Variants in EXT2 observed in about 807,000 individuals in gnomAD.
EXT2 encodes exostosin glycosyltransferase 2, also known as exostosin-2.
Under a neutral mutation model 81.6 loss-of-function variants are expected in EXT2, and 53 were observed. That is an observed-to-expected ratio of 0.65 (90% CI 0.52 to 0.82). The LOEUF is 0.82. Among genes scored for constraint, EXT2 ranks in the 40% least tolerant of loss-of-function variants. The pLI, the probability that EXT2 is intolerant of heterozygous loss-of-function variation, is 0.00. For missense variants in EXT2, 774 were observed against 910.2 expected (o/e 0.85, Z 1.93); for synonymous variants, 320 against 340.0 (o/e 0.94, Z 0.65).
At chr11:44,188,832 C>T (rs1955352610) in intron 8 of EXT2, among the ~76,000 whole-genome samples, 1 of 152,138 alleles carries the variant, frequency 6.6e-6, no homozygotes, top group Non-Finnish European at 1.5e-5. Flanking sequence ...TACGTCTAAG[C>T]TGAGTTCCAG....
chr11:44,223,664 T>A (rs1003782791), intron 10 of EXT2, among the ~76,000 whole-genome samples: 1 of 151,112 alleles, frequency 6.6e-6, no homozygotes, highest in Admixed American at 6.6e-5. Flanking sequence ...TTTTTTTTTT[T>A]TTTGTGACGG....
chr11:44,133,193 A>G (rs979262446), intron 7 of EXT2, among the ~76,000 whole-genome samples: 3 of 152,272 alleles, frequency 2.0e-5, no homozygotes, highest in East Asian at 1.9e-4. Flanking sequence ...CTTTGGTTCT[A>G]TAACAAAATA....
chr11:44,187,012 TCC>T (rs1452466304), intron 8 of EXT2, among the ~76,000 whole-genome samples: 1 of 139,360 alleles, frequency 7.2e-6, no homozygotes. Flanking sequence ...CTTCCTTCCT[TCC>T]TTCCTTCCTT....
rs1418197181 is a variant in EXT2 at position 44,246,434 on chromosome 11, C to T, written c.*2147C>T. Among the ~76,000 whole-genome samples, 1 of 152,116 alleles carries T rather than the reference C, an allele frequency of 6.6e-6. No individual in the cohort carries two copies. The highest frequency in any genetic ancestry group is 1.5e-5 in the Non-Finnish European group (1 of 68,024). The stretch of plus-strand genomic sequence containing the variant: ...GTCCTTTGATTTGGGAAGAGGAACT[C>T]TTTCATCTGAGTTCATTGTGAGCCC... On this transcript the variant is annotated 3_prime_UTR_variant, in exon 14 of 14. Transcript: ENST00000533608.
intron 10 of EXT2, among the ~76,000 whole-genome samples, chr11:44,214,766 T>A (rs1276003497): frequency 2.6e-5 from 4 of 151,398 alleles, no homozygotes; most frequent in East Asian, 1.9e-4. Context: ...TTTTTTTTTT[T>A]AAAGACAGAG....
intron 1 of EXT2, among the ~76,000 whole-genome samples, chr11:44,105,103 G>A (rs1183912811): frequency 6.6e-6 from 1 of 152,054 alleles, no homozygotes; most frequent in Non-Finnish European, 1.5e-5. Context: ...TTCAAGCTTG[G>A]CAATACTCAG....
chr11:44,133,638 C>T (rs1166797555), intron 7 of EXT2, among the ~76,000 whole-genome samples: 3 of 152,192 alleles, frequency 2.0e-5, no homozygotes, highest in African/African-American at 4.8e-5. Flanking sequence ...TTCACACTGA[C>T]ATCTTCCTGA....
At chr11:44,145,524 A>G (rs1954704820) in intron 7 of EXT2, among the ~76,000 whole-genome samples, 2 of 152,104 alleles carry the variant, frequency 1.3e-5, no homozygotes, top group Admixed American at 1.3e-4. Context: ...ATGAGCTCAC[A>G]TTTCACAAGT....
intron 4 of EXT2, among the ~76,000 whole-genome samples, chr11:44,120,830 A>C (rs1954305067): frequency 6.6e-6 from 1 of 152,222 alleles, no homozygotes; most frequent in African/African-American, 2.4e-5. Context: ...AAATGAACTA[A>C]ATTGGGAGTT....
At position 44,197,820 on chromosome 11, in the gene EXT2, C is replaced by G; in HGVS notation, c.1306-9C>G. The G allele has an allele frequency of 1.2e-6, 2 of 1,613,838 alleles. No homozygotes were observed. Among genetic ancestry groups the G allele is most frequent in the Non-Finnish European group, 1.7e-6 (2 of 1,179,882 alleles). On this transcript the variant is annotated splice_polypyrimidine_tract_variant and intron_variant, in intron 8 of 13. Transcript: ENST00000533608. Reference sequence around the variant, plus strand: ...CTTTTCTGACCCGTGTTAATCTGTCCTCTTGTAGAAGTGGGGCAGCGTGAG... The same window carrying G: ...CTTTTCTGACCCGTGTTAATCTGTCGTCTTGTAGAAGTGGGGCAGCGTGAG...
Position 44,226,017 on chromosome 11 carries a change from A to C in EXT2, c.1663-6336A>C, listed in dbSNP as rs995927899. ...CATGTTTAAAGACACTTTCTTTGGC[A>C]GTATCTTCCTAGTAGTGGTAATTAT... On this transcript the variant is annotated intron_variant, in intron 10 of 13. Coordinates refer to ENST00000533608, the MANE Select transcript of EXT2 (RefSeq NM_207122.2). Among the ~76,000 whole-genome samples the C allele has an allele frequency of 3.6e-4, 55 of 152,244 alleles. 1 individual carries two copies. The highest frequency in any genetic ancestry group is 1.5e-4 in the Non-Finnish European group (10 of 68,034).
intron 8 of EXT2, among the ~76,000 whole-genome samples, chr11:44,179,768 A>G (rs1955209268): frequency 6.6e-6 from 1 of 152,114 alleles, no homozygotes; most frequent in South Asian, 2.1e-4. Flanking sequence ...ATATTTGAGT[A>G]TAATTTTCTA....
intron 7 of EXT2, among the ~76,000 whole-genome samples, chr11:44,162,809 A>G (rs1954944838): frequency 1.3e-5 from 2 of 152,074 alleles, no homozygotes; most frequent in Non-Finnish European, 2.9e-5. Context: ...ATTAATAGAA[A>G]CATGTTTCCA....
At chr11:44,099,962 C>G (rs952018632) in intron 1 of EXT2, among the ~76,000 whole-genome samples, 6 of 152,178 alleles carry the variant, frequency 3.9e-5, no homozygotes, top group Admixed American at 3.9e-4. Flanking sequence ...CTTGTGTCGA[C>G]ACACTTCACA....
chr11:44,173,563 C>CTTTTTTTTTTTTTTTTTTTTTTTT (rs66702988), intron 8 of EXT2, among the ~76,000 whole-genome samples: 3 of 100,064 alleles, frequency 3.0e-5, no homozygotes, highest in Non-Finnish European at 4.0e-5. Flanking sequence ...TTCTTTCTTT[C>CTTTTTTTTTTTTTTTTTTTTTTTT]TTTTTTTTTT....
chr11:44,114,349 G>C lies in EXT2; in HGVS notation c.743+48G>C, dbSNP rs764468755. On this transcript the variant is annotated intron_variant, in intron 4 of 13. Transcript: ENST00000533608. Reference sequence around the variant, plus strand: ...AGGTGTGCCTTTACTGAATCTGTGAGATGTTGATGAGGTTTAGTGTGGTGG... The same window carrying C: ...AGGTGTGCCTTTACTGAATCTGTGACATGTTGATGAGGTTTAGTGTGGTGG... 90 of 1,539,450 alleles carry C rather than the reference G, an allele frequency of 5.8e-5. 1 individual carries two copies. In the South Asian group the frequency reaches 1.0e-3, roughly 17 times the overall value.
intron 9 of EXT2, among the ~76,000 whole-genome samples, chr11:44,200,008 T>C (rs1253217895): frequency 6.6e-6 from 1 of 152,164 alleles, no homozygotes. Flanking sequence ...GCTCTGGCGA[T>C]GTGGTTGTTT....
chr11:44,123,194 C>T (rs1277408897), intron 4 of EXT2, among the ~76,000 whole-genome samples: 1 of 152,152 alleles, frequency 6.6e-6, no homozygotes, highest in Non-Finnish European at 1.5e-5. Flanking sequence ...ATGACCTTCT[C>T]AGTTAGAGTA....
At chr11:44,098,254 GC>G (rs1565192555) in intron 1 of EXT2, among the ~76,000 whole-genome samples, 1 of 152,172 alleles carries the variant, frequency 6.6e-6, no homozygotes, top group East Asian at 1.9e-4. Flanking sequence ...ATCTCTCTGT[GC>G]TTTGGCATGT....
Sources: allele counts gnomAD v4.1 joint callset (sites outside exome capture counted in the v4.1 genomes callset), GRCh38; gene constraint gnomAD v4.1.1; transcripts MANE v1.5; gene names NCBI Gene and HGNC (gene_info 2026-07-23, HGNC 2026-07-21).